The following PRKD1 variants were observed in gnomAD, a reference collection of about 807,000 sequenced individuals.
PRKD1 encodes the protein serine/threonine-protein kinase D1.
A neutral mutation model predicts 95.9 loss-of-function variants in PRKD1; 63 were observed. The ratio of observed to expected loss-of-function variants is 0.66; its 90% confidence interval spans 0.54 to 0.81. The LOEUF (loss-of-function observed/expected upper bound fraction) is 0.81, where lower values mean the gene tolerates loss of function less well. Among genes scored for constraint, PRKD1 ranks in the 30% least tolerant of loss-of-function variants. The probability of loss-of-function intolerance (pLI) is 0.00; values close to 1 mark genes in which losing one functional copy is unlikely to be tolerated. For missense variants in PRKD1, 1,048 were observed against 1,165.3 expected (o/e 0.90, Z 1.47); for synonymous variants, 425 against 423.1 (o/e 1.00, Z -0.05).
intron 1 of PRKD1, among the ~76,000 whole-genome samples, chr14:29,799,435 C>T (rs75793591): frequency 2.6e-5 from 4 of 152,096 alleles, no homozygotes; most frequent in East Asian, 3.9e-4. Context: ...GAAATTGCTC[C>T]GGGATTCCTA....
intron 1 of PRKD1, among the ~76,000 whole-genome samples, chr14:29,863,284 ATAT>A (rs2139362962): frequency 6.6e-6 from 1 of 152,336 alleles, no homozygotes; most frequent in Non-Finnish European, 1.5e-5. Flanking sequence ...AGGTAGGTAC[ATAT>A]TATTACTCAT....
rs546671032 is a variant in PRKD1, at chr14:29,585,985, G to T, written c.2435-7625C>A. The stretch of plus-strand genomic sequence containing the variant: ...CTCTTTTACATACATATGAAAAATA[G>T]TTAAGAGATCTTAAACTGAAGATTC... On this transcript the variant is annotated intron_variant, in intron 16 of 17. Transcript: ENST00000331968. Among the ~76,000 whole-genome samples, 13 of 152,298 alleles carry T rather than the reference G, an allele frequency of 8.5e-5. 1 individual carries two copies. The East Asian group carries it at 2.5e-3, about 29-fold the overall frequency.
chr14:29,826,792 C>CATAT lies in PRKD1; in HGVS notation c.264+100453_264+100456dup, dbSNP rs1461222050. Among the ~76,000 whole-genome samples the CATAT allele has an allele frequency of 1.5e-4, 5 of 32,722 alleles. 1 individual carries two copies. Among genetic ancestry groups the CATAT allele is most frequent in the Non-Finnish European group, 3.3e-4 (5 of 15,328 alleles). The allele number at this position is 32,722 out of a possible 152,430, so 21.5% of individuals were successfully genotyped here. ...ATACACATATATATACATATATACA[C>CATAT]ATATATATACACATATATATACACA... On this transcript the variant is annotated intron_variant, in intron 1 of 17. Transcript: ENST00000331968.
chr14:29,903,091 T>C (rs1894375572), intron 1 of PRKD1, among the ~76,000 whole-genome samples: 1 of 152,306 alleles, frequency 6.6e-6, no homozygotes, highest in South Asian at 2.1e-4. Context: ...CTTCACGCTG[T>C]CAATAAGATT....
chr14:29,862,117 T>G (rs1892731997), intron 1 of PRKD1, among the ~76,000 whole-genome samples: 1 of 152,202 alleles, frequency 6.6e-6, no homozygotes, highest in Admixed American at 6.5e-5. Flanking sequence ...CACAAATAAC[T>G]GAGGACATGT....
intron 16 of PRKD1, chr14:29,594,048 G>C (rs190010205): frequency 2.4e-6 from 1 of 420,404 alleles, no homozygotes; most frequent in Non-Finnish European, 4.6e-6. Context: ...AACCTCTCTG[G>C]GTTCTCTCTA....
At chr14:29,881,283 G>A (rs1197356912) in intron 1 of PRKD1, among the ~76,000 whole-genome samples, 3 of 152,188 alleles carry the variant, frequency 2.0e-5, no homozygotes, top group Non-Finnish European at 2.9e-5. Context: ...CACAAGATCT[G>A]ATGGGTTTAT....
In PRKD1 at chr14:29,823,749, A is replaced by G. The variant is rs45447792; in HGVS notation, c.265-98075T>C. ...AAGTTGTTGATAGAAGAGGAAAGATAAAGTTTTTAATATTTGATTCTCAAT... is the reference window on the plus strand; with the variant it reads ...AAGTTGTTGATAGAAGAGGAAAGATGAAGTTTTTAATATTTGATTCTCAAT... On this transcript the variant is annotated intron_variant, in intron 1 of 17. Transcript: ENST00000331968. 1.5e-3 allele frequency among the ~76,000 whole-genome samples: 231 copies of G among 152,338 alleles called. 2 individuals are homozygous for G. The highest frequency in any genetic ancestry group is 5.4e-3 in the African/African-American group (225 of 41,582).
chr14:29,845,645 A>G (rs1421355873), intron 1 of PRKD1, among the ~76,000 whole-genome samples: 1 of 152,180 alleles, frequency 6.6e-6, no homozygotes, highest in Non-Finnish European at 1.5e-5. Context: ...GATAAAACTA[A>G]TACAACTAAA....
intron 2 of PRKD1, among the ~76,000 whole-genome samples, chr14:29,717,512 C>G (rs1885672794): frequency 6.6e-6 from 1 of 151,962 alleles, no homozygotes; most frequent in African/African-American, 2.4e-5. Flanking sequence ...AAATCAACTA[C>G]TTATGAAATT....
intron 2 of PRKD1, among the ~76,000 whole-genome samples, chr14:29,670,605 C>G (rs1187080128): frequency 2.6e-5 from 4 of 152,180 alleles, no homozygotes. Context: ...AGGCAGGGAA[C>G]TGAGAGATGA....
chr14:29,915,897 A>G (rs1305765020), intron 1 of PRKD1, among the ~76,000 whole-genome samples: 2 of 152,220 alleles, frequency 1.3e-5, no homozygotes, highest in Non-Finnish European at 2.9e-5. Context: ...GTCTTGAGGT[A>G]AATAATTTAA....
chr14:29,876,997 C>G (rs1039880277), intron 1 of PRKD1, among the ~76,000 whole-genome samples: 15 of 151,986 alleles, frequency 9.9e-5, no homozygotes, highest in Admixed American at 8.5e-4. Context: ...ACTAAAAATA[C>G]AAAAATTAGA....
At chr14:29,607,363 G>A (rs1185938429) in intron 13 of PRKD1, among the ~76,000 whole-genome samples, 13 of 152,108 alleles carry the variant, frequency 8.5e-5, no homozygotes, top group Admixed American at 7.9e-4. Flanking sequence ...CAGTTCTGTA[G>A]GTCAGAAGTC....
At chr14:29,779,652 G>A (rs1888948874) in intron 1 of PRKD1, among the ~76,000 whole-genome samples, 1 of 152,126 alleles carries the variant, frequency 6.6e-6, no homozygotes, top group South Asian at 2.1e-4. Flanking sequence ...ACAAACAAAT[G>A]GAAGAAAATT....
intron 2 of PRKD1, among the ~76,000 whole-genome samples, chr14:29,702,384 G>A (rs985132138): frequency 6.6e-6 from 1 of 151,882 alleles, no homozygotes; most frequent in Non-Finnish European, 1.5e-5. Flanking sequence ...TATGATATTA[G>A]ACCATTCTAC....
chr14:29,858,147 C>T (rs762257423), intron 1 of PRKD1, among the ~76,000 whole-genome samples: 1 of 152,134 alleles, frequency 6.6e-6, no homozygotes, highest in Non-Finnish European at 1.5e-5. Flanking sequence ...AATAAATGAA[C>T]AGATACATCA....
At chr14:29,871,932 G>T (rs574534802) in intron 1 of PRKD1, among the ~76,000 whole-genome samples, 2 of 152,196 alleles carry the variant, frequency 1.3e-5, no homozygotes, top group Non-Finnish European at 2.9e-5. Flanking sequence ...GATGAAAGGG[G>T]TGTGTGAAAG....
chr14:29,743,724 GC>G (rs1460801852), intron 1 of PRKD1, among the ~76,000 whole-genome samples: 6 of 152,188 alleles, frequency 3.9e-5, no homozygotes, highest in Middle Eastern at 3.2e-3. Flanking sequence ...CAGGCTGTCT[GC>G]CCAACCTCTA....
Sources: gnomAD v4.1 joint callset for allele counts (sites outside exome capture counted in the v4.1 genomes callset) on GRCh38, gnomAD v4.1.1 for gene constraint, MANE v1.5 for transcripts, NCBI Gene and HGNC (gene_info 2026-07-23, HGNC 2026-07-21) for gene names.